NOX4: variants seen among roughly 807,000 people sequenced by gnomAD.
NOX4 encodes NADPH oxidase 4.
In NOX4, 69 loss-of-function variants were observed where a neutral mutation model predicts 87.6. The ratio of observed to expected loss-of-function variants is 0.79; its 90% confidence interval spans 0.65 to 0.96. NOX4 has a LOEUF of 0.96. NOX4 is among the 40% of genes least tolerant of loss of function. The probability of loss-of-function intolerance (pLI) is 0.00; values close to 1 mark genes in which losing one functional copy is unlikely to be tolerated. For missense variants in NOX4, 680 were observed against 681.5 expected, an observed-to-expected ratio of 1.00 and a Z score of 0.02; for synonymous variants, 275 against 238.2, an observed-to-expected ratio of 1.15 and a Z score of -1.42.
chr11:89,362,160 A>C (rs1938573741), intron 12 of NOX4, among the ~76,000 whole-genome samples: 1 of 142,388 alleles, frequency 7.0e-6, no homozygotes, highest in African/African-American at 3.0e-5. Flanking sequence ...ATTTTACATT[A>C]CACACAGACA....
At chr11:89,343,558 CTTT>C (rs1413280920) in intron 13 of NOX4, among the ~76,000 whole-genome samples, 3 of 151,582 alleles carry the variant, frequency 2.0e-5, no homozygotes, top group African/African-American at 7.3e-5. Flanking sequence ...ATGACATCTA[CTTT>C]TTTGAGGGAG....
intron 11 of NOX4, among the ~76,000 whole-genome samples, chr11:89,382,709 C>T (rs1365998925): frequency 6.6e-6 from 1 of 152,092 alleles, no homozygotes; most frequent in Non-Finnish European, 1.5e-5. Flanking sequence ...ACTCCCCCAC[C>T]CTATAATTCT....
At chr11:89,546,482 T>G in the NOX4 span, among the ~76,000 whole-genome samples, 2 of 152,204 alleles carry the variant, frequency 1.3e-5, no homozygotes, top group Non-Finnish European at 2.9e-5. Flanking sequence ...AGGAGAGAGA[T>G]AGAGGCTTGG....
chr11:89,490,351 A>T, intron 2 of NOX4, 107 bp downstream of exon 2: 1 of 752,904 alleles, frequency 1.3e-6, no homozygotes, highest in Non-Finnish European at 2.3e-6. Context: ...AAGGTTTTCA[A>T]AGTGAAGAGT....
At chr11:89,461,199 C>T (rs10830274) in intron 2 of NOX4, among the ~76,000 whole-genome samples, 13,784 of 151,732 alleles carry the variant, frequency 0.091, 782 homozygotes, top group South Asian at 0.2. Context: ...AGGAGATATA[C>T]CTAATGTTAA....
intron 2 of NOX4, among the ~76,000 whole-genome samples, chr11:89,470,973 CA>C: frequency 6.6e-6 from 1 of 152,174 alleles, no homozygotes; most frequent in South Asian, 2.1e-4. Context: ...GGATAACTAC[CA>C]GATGGACTCT....
intron 7 of NOX4, among the ~76,000 whole-genome samples, chr11:89,425,720 T>C (rs1943361731): frequency 6.6e-6 from 1 of 152,062 alleles, no homozygotes; most frequent in African/African-American, 2.4e-5. Context: ...ATACACTACA[T>C]ATGTACAGTA....
Position 89,429,505 on chromosome 11 carries a change from C to T in NOX4, c.548+3279G>A, listed in dbSNP as rs183763224. Among the ~76,000 whole-genome samples the T allele has an allele frequency of 9.1e-4, 139 of 152,158 alleles. 1 individual carries two copies. Among genetic ancestry groups the T allele is most frequent in the African/African-American group, 2.9e-3 (120 of 41,526 alleles). On this transcript the variant is annotated intron_variant, in intron 7 of 17. Transcript: ENST00000263317. Reference sequence around the variant, plus strand: ...AAAAGAGAGAAGAATCAAATAGATGCAATAAAAAATGATACAGGGGATATC... The same window carrying T: ...AAAAGAGAGAAGAATCAAATAGATGTAATAAAAAATGATACAGGGGATATC...
intron 8 of NOX4, among the ~76,000 whole-genome samples, chr11:89,421,698 T>C (rs1943090950): frequency 6.6e-6 from 1 of 152,164 alleles, no homozygotes; most frequent in Non-Finnish European, 1.5e-5. Context: ...AAATTTAGTA[T>C]ACTTTATACT....
intron 13 of NOX4, among the ~76,000 whole-genome samples, chr11:89,354,006 A>G (rs1461407327): frequency 6.6e-6 from 1 of 152,224 alleles, no homozygotes; most frequent in African/African-American, 2.4e-5. Flanking sequence ...AGGATTCTGC[A>G]TTTATTTTTG....
chr11:89,510,601 C>A, the NOX4 span, among the ~76,000 whole-genome samples: 1 of 152,008 alleles, frequency 6.6e-6, no homozygotes, highest in Non-Finnish European at 1.5e-5. Flanking sequence ...ACACTCTATA[C>A]TTGAGTGTAG....
chr11:89,527,171 T>C, the NOX4 span, among the ~76,000 whole-genome samples: 6 of 152,180 alleles, frequency 3.9e-5, no homozygotes, highest in African/African-American at 1.4e-4. Flanking sequence ...TTAGGGTATC[T>C]GGTGGAAGAA....
the NOX4 span, among the ~76,000 whole-genome samples, chr11:89,503,884 T>A: frequency 6.8e-6 from 1 of 146,544 alleles, no homozygotes. Flanking sequence ...AAAGCTGAGA[T>A]GAATGGCCAC....
chr11:89,495,608 T>C (rs1946939961), upstream of NOX4, among the ~76,000 whole-genome samples: 1 of 152,326 alleles, frequency 6.6e-6, no homozygotes, highest in Middle Eastern at 3.4e-3. Context: ...TTTAGGTGGC[T>C]ATTATTTAGC....
upstream of NOX4, among the ~76,000 whole-genome samples, chr11:89,492,830 G>T (rs2135504577): frequency 6.6e-6 from 1 of 152,296 alleles, no homozygotes; most frequent in South Asian, 2.1e-4. Context: ...GGGGCAGGAG[G>T]TTCATTGGCA....
At chr11:89,474,429 G>GATATTCAC in intron 2 of NOX4, among the ~76,000 whole-genome samples, 1 of 133,902 alleles carries the variant, frequency 7.5e-6, no homozygotes. Context: ...TTTCTACAAG[G>GATATTCAC]ATATTCACTG....
chr11:89,392,843 G>C (rs1941222138), intron 11 of NOX4, among the ~76,000 whole-genome samples: 1 of 152,152 alleles, frequency 6.6e-6, no homozygotes, highest in South Asian at 2.1e-4. Flanking sequence ...TTCAAGTTGA[G>C]TAAGCAAAAT....
At chr11:89,545,366 T>G in the NOX4 span, 1 of 152,192 alleles carries the variant, frequency 6.6e-6, no homozygotes, top group African/African-American at 2.4e-5. Flanking sequence ...GTTTTTAATT[T>G]AGAAACCTTT....
chr11:89,512,405 C>G, the NOX4 span, among the ~76,000 whole-genome samples: 1 of 152,032 alleles, frequency 6.6e-6, no homozygotes, highest in African/African-American at 2.4e-5. Flanking sequence ...AAACTTTATA[C>G]CATTTAACCA....
Sources: allele counts gnomAD v4.1 joint callset (sites outside exome capture counted in the v4.1 genomes callset), GRCh38; gene constraint gnomAD v4.1.1; transcripts MANE v1.5; gene names NCBI Gene and HGNC (gene_info 2026-07-23, HGNC 2026-07-21).